The following NNAT variants were observed in gnomAD, a reference collection of about 807,000 sequenced individuals.
The protein encoded by NNAT is neuronatin.
Under a neutral mutation model 12.7 loss-of-function variants are expected in NNAT, and 8 were observed. That is an observed-to-expected ratio of 0.63 (90% CI 0.37 to 1.14). The LOEUF (loss-of-function observed/expected upper bound fraction) is 1.14, where lower values mean the gene tolerates loss of function less well. Ranked by LOEUF, NNAT falls within the 50% of genes most tolerant of loss-of-function variation. NNAT has a pLI of 0.01. For missense variants in NNAT, 94 were observed against 108.3 expected, an observed-to-expected ratio of 0.87 and a Z score of 0.59; for synonymous variants, 52 against 48.5, an observed-to-expected ratio of 1.07 and a Z score of -0.30.
chr20:37,522,870 C>A lies in NNAT; in HGVS notation c.*111C>A. 1.1e-6 allele frequency: 1 copy of A among 951,568 alleles called. No homozygotes were observed. 58.9% of individuals were successfully genotyped at this position (951,568 alleles called of 1,614,324 possible). On this transcript the variant is annotated 3_prime_UTR_variant, in exon 3 of 3. Transcript: ENST00000649451. The stretch of plus-strand genomic sequence containing the variant: ...TGTGGGGTCCCCTGTGTTCCCTCGC[C>A]AGAGGAGCACTTGGCAAGGTCAGTG...
At chr20:37,522,544 C>T in intron 2 of NNAT, 106 bp downstream of exon 2, 3 of 1,377,092 alleles carry the variant, frequency 2.2e-6, no homozygotes, top group Non-Finnish European at 3.0e-6. Context: ...CCCGCGCCCG[C>T]CTCTCCAGCC....
At chr20:37,522,554 C>G in intron 2 of NNAT, 113 bp from the exon 3 acceptor site, 1 of 1,236,686 alleles carries the variant, frequency 8.1e-7, no homozygotes, top group East Asian at 3.1e-5. Flanking sequence ...CCTCTCCAGC[C>G]TACGCTGGAT....
rs1601090510 is a variant in NNAT, at chr20:37,521,313, A to G, written c.-19A>G. ...GGCAAACCCTCTTTCTCGACCACCC[A>G]CCTACCATTCTTGGAACCATGGCGG... is the stretch of plus-strand genomic sequence containing the variant. On this transcript the variant is annotated 5_prime_UTR_variant, in exon 1 of 3. Coordinates refer to ENST00000649451, the MANE Select transcript of NNAT (RefSeq NM_005386.4). This position sits in a 1 kb window ranked among gnomAD's most constrained non-coding sequence, Gnocchi z 4.5. 1 of 1,613,328 alleles carries G rather than the reference A, an allele frequency of 6.2e-7. No homozygotes were observed. The highest frequency in any genetic ancestry group is 1.1e-5 in the South Asian group (1 of 91,062).
In NNAT at chr20:37,522,839, C is replaced by A. The variant is rs2071635256; in HGVS notation, c.*80C>A. The A allele has an allele frequency of 2.2e-6, 3 of 1,342,606 alleles. No individual in the cohort carries two copies. Among genetic ancestry groups the A allele is most frequent in the Non-Finnish European group, 3.0e-6 (3 of 986,544 alleles). The allele number at this position is 1,342,606 out of a possible 1,614,324, so 83.2% of individuals were successfully genotyped here. A position where few individuals can be genotyped will look rare whatever the true frequency, so the allele number is the denominator to read the frequency against. The stretch of plus-strand genomic sequence containing the variant: ...GGCCAGCACGGGAGCCAGTGCCGCG[C>A]AGGAATGTGGGGTCCCCTGTGTTCC... On this transcript the variant is annotated 3_prime_UTR_variant, in exon 3 of 3. Transcript: ENST00000649451.
rs1044466051 is a variant in NNAT at position 37,522,921 on chromosome 20, C to T, written c.*162C>T. On this transcript the variant is annotated 3_prime_UTR_variant, in exon 3 of 3. Transcript: ENST00000649451. ...AGGGGCCAGTAGACCCCCGGAGAAG[C>T]AGTACCGACAATGACGAAGATACCA... 3.3e-6 allele frequency: 2 copies of T among 599,918 alleles called. No individual in the cohort carries two copies. Among genetic ancestry groups the T allele is most frequent in the Non-Finnish European group, 5.8e-6 (2 of 343,304 alleles). 37.2% of individuals were successfully genotyped at this position (599,918 alleles called of 1,614,324 possible). A position where few individuals can be genotyped will look rare whatever the true frequency, so the allele number is the denominator to read the frequency against.
rs2071560149 is a variant in NNAT at position 37,521,317 on chromosome 20, A to G, written c.-15A>G. ...AACCCTCTTTCTCGACCACCCACCTACCATTCTTGGAACCATGGCGGCAGT... is the reference window on the plus strand; with the variant it reads ...AACCCTCTTTCTCGACCACCCACCTGCCATTCTTGGAACCATGGCGGCAGT... On this transcript the variant is annotated 5_prime_UTR_variant, in exon 1 of 3. Transcript: ENST00000649451. The surrounding 1 kb of genome is among the most constrained non-coding windows in gnomAD (Gnocchi z 4.5). 2.5e-6 allele frequency: 4 copies of G among 1,613,426 alleles called. No individual in the cohort carries two copies. Among genetic ancestry groups the G allele is most frequent in the Non-Finnish European group, 3.4e-6 (4 of 1,179,638 alleles).
Position 37,521,327 on chromosome 20 carries a change from G to A in NNAT, c.-5G>A, listed in dbSNP as rs1244924933. ...CTCGACCACCCACCTACCATTCTTG[G>A]AACCATGGCGGCAGTGGCGGCGGCC... On this transcript the variant is annotated 5_prime_UTR_variant, in exon 1 of 3. Transcript: ENST00000649451. The surrounding 1 kb of genome is among the most constrained non-coding windows in gnomAD (Gnocchi z 4.5). 6.2e-7 allele frequency: 1 copy of A among 1,614,012 alleles called. No homozygotes were observed. Among genetic ancestry groups the A allele is most frequent in the Admixed American group, 1.7e-5 (1 of 60,020 alleles).
chr20:37,521,476 G>A lies in NNAT; in HGVS notation c.72+73G>A. On this transcript the variant is annotated intron_variant, in intron 1 of 2. Transcript: ENST00000649451. This position sits in a 1 kb window ranked among gnomAD's most constrained non-coding sequence, Gnocchi z 4.5. ...CCTAGAACCCGCAAGACTGCGTCGC[G>A]ATTGCCGCTTCCCGGACCCGTCCTA... The A allele has an allele frequency of 6.9e-7, 1 of 1,444,788 alleles. No individual in the cohort carries two copies. The allele number at this position is 1,444,788 out of a possible 1,614,324, so 89.5% of individuals were successfully genotyped here.
At position 37,522,669 on chromosome 20, in the gene NNAT, G is replaced by A; in HGVS notation, c.156G>A (p.Val52=). The part of the protein sequence containing the change: ...PGTQPIARSE[V]FRYSLQKLAY... Reference sequence around the variant, plus strand: ...GGGTCCTGGGTTTCTCGTCGCAGGTGTTCAGGTACTCCCTGCAGAAGCTGG... The same window carrying A: ...GGGTCCTGGGTTTCTCGTCGCAGGTATTCAGGTACTCCCTGCAGAAGCTGG... The change falls in exon 3 of 3, where the codon GTG becomes GTA. Residue 52 remains valine (V), a splice_region_variant and synonymous_variant. Coordinates refer to ENST00000649451, the MANE Select transcript of NNAT (RefSeq NM_005386.4). 1.2e-6 allele frequency: 2 copies of A among 1,611,018 alleles called. No individual in the cohort carries two copies. The highest frequency in any genetic ancestry group is 1.1e-5 in the South Asian group (1 of 90,582).
In NNAT at chr20:37,522,779, G is replaced by A. The variant is rs1349275226; in HGVS notation, c.*20G>A. On this transcript the variant is annotated 3_prime_UTR_variant, in exon 3 of 3. Coordinates refer to ENST00000649451, the MANE Select transcript of NNAT (RefSeq NM_005386.4). Reference sequence around the variant, plus strand: ...AACTGAGGCCCCAGCTCCCAGCCCTGGGCGGCCGTATCATCAGGTGCTCCT... The same window carrying A: ...AACTGAGGCCCCAGCTCCCAGCCCTAGGCGGCCGTATCATCAGGTGCTCCT... The A allele has an allele frequency of 1.3e-6, 2 of 1,574,254 alleles. No homozygotes were observed. The highest frequency in any genetic ancestry group is 1.2e-5 in the South Asian group (1 of 86,362).
At chr20:37,522,584 TG>T in intron 2 of NNAT, 82 bp from the exon 3 acceptor site, 1 of 629,022 alleles carries the variant, frequency 1.6e-6, no homozygotes, top group Non-Finnish European at 2.1e-6. Context: ...GGGCAGGGGG[TG>T]GGGCGGGGGT....
At position 37,521,560 on chromosome 20, in the gene NNAT, G is replaced by A. The variant is rs2071575274; in HGVS notation, c.72+157G>A. 2.1e-5 allele frequency: 15 copies of A among 728,488 alleles called. No homozygotes were observed. Among genetic ancestry groups the A allele is most frequent in the Non-Finnish European group, 2.8e-5 (12 of 428,566 alleles). The allele number at this position is 728,488 out of a possible 1,614,324, so 45.1% of individuals were successfully genotyped here. ...CCGCTGCCGGCACCGCGCGCCCCCT[G>A]CCCATTCCCTGCGCCGTCCTCCTCG... On this transcript the variant is annotated intron_variant, in intron 1 of 2. Transcript: ENST00000649451. The surrounding 1 kb of genome is among the most constrained non-coding windows in gnomAD (Gnocchi z 4.5).
chr20:37,521,388 CCG>C lies in NNAT; in HGVS notation c.60_61del (p.Val21AlafsTer30). Reference sequence around the variant, plus strand: ...TGCTCATCATCGGCTGGTACATCTTCCGCGTGCTGCTGCAGGTAAGTCTGACG... The same window carrying C: ...TGCTCATCATCGGCTGGTACATCTTCCGTGCTGCTGCAGGTAAGTCTGACG... ...ELLIIGWYIFRVLLQVFLECC... is the reference protein window; with the variant it reads ...ELLIIGWYIFXVLLQVFLECC... On this transcript the variant is annotated frameshift_variant, in exon 1 of 3. Coordinates refer to ENST00000649451, the MANE Select transcript of NNAT (RefSeq NM_005386.4). LOFTEE classifies it high-confidence loss of function. This position sits in a 1 kb window ranked among gnomAD's most constrained non-coding sequence, Gnocchi z 4.5. The C allele has an allele frequency of 6.2e-7, 1 of 1,614,134 alleles. No individual in the cohort carries two copies. The highest frequency in any genetic ancestry group is 8.5e-7 in the Non-Finnish European group (1 of 1,179,982).
rs2071560086 is a variant in NNAT, at chr20:37,521,316, T to C, written c.-16T>C. ...AAACCCTCTTTCTCGACCACCCACC[T>C]ACCATTCTTGGAACCATGGCGGCAG... On this transcript the variant is annotated 5_prime_UTR_variant, in exon 1 of 3. Coordinates refer to ENST00000649451, the MANE Select transcript of NNAT (RefSeq NM_005386.4). The surrounding 1 kb of genome is among the most constrained non-coding windows in gnomAD (Gnocchi z 4.5). The C allele has an allele frequency of 3.1e-6, 5 of 1,613,698 alleles. No homozygotes were observed. The East Asian group carries it at 8.9e-5, about 29-fold the overall frequency.
At position 37,523,307 on chromosome 20, in the gene NNAT, A is replaced by G. The variant is rs769199779; in HGVS notation, c.*548A>G. On this transcript the variant is annotated 3_prime_UTR_variant, in exon 3 of 3. Coordinates refer to ENST00000649451, the MANE Select transcript of NNAT (RefSeq NM_005386.4). ...GCTGTCCCTTGCCCAGGGCACTTGC[A>G]TTCCAGCCTCGCTGCATTTGCTCTC... The G allele has an allele frequency of 1.3e-5, 2 of 152,618 alleles. No individual in the cohort carries two copies. The highest frequency in any genetic ancestry group is 2.9e-5 in the Non-Finnish European group (2 of 68,180). The allele number at this position is 152,618 out of a possible 1,614,324, so 9.5% of individuals were successfully genotyped here.
At position 37,521,766 on chromosome 20, in the gene NNAT, C is replaced by G; in HGVS notation, c.72+363C>G. On this transcript the variant is annotated intron_variant, in intron 1 of 2. Coordinates refer to ENST00000649451, the MANE Select transcript of NNAT (RefSeq NM_005386.4). The surrounding 1 kb of genome is among the most constrained non-coding windows in gnomAD (Gnocchi z 4.5). ...TACTGTGTTGAAAGACTTTACAGCT[C>G]GCAGAGTGAAAATTTTCCACCTTAA... 5.2e-6 allele frequency: 1 copy of G among 193,048 alleles called. No individual in the cohort carries two copies. Among genetic ancestry groups the G allele is most frequent in the Non-Finnish European group, 1.0e-5 (1 of 95,464 alleles). The allele number at this position is 193,048 out of a possible 1,614,324, so 12.0% of individuals were successfully genotyped here.
In NNAT at chr20:37,521,942, T is replaced by C. The variant is rs924639621; in HGVS notation, c.73-416T>C. 1.4e-5 allele frequency among the ~76,000 whole-genome samples: 2 copies of C among 140,954 alleles called. No homozygotes were observed. Among genetic ancestry groups the C allele is most frequent in the Non-Finnish European group, 3.1e-5 (2 of 64,960 alleles). 92.5% of individuals were successfully genotyped at this position (140,954 alleles called of 152,430 possible). A position where few individuals can be genotyped will look rare whatever the true frequency, so the allele number is the denominator to read the frequency against. On this transcript the variant is annotated intron_variant, in intron 1 of 2. Transcript: ENST00000649451. This position sits in a 1 kb window ranked among gnomAD's most constrained non-coding sequence, Gnocchi z 4.5. ...ACCCTACAACGAATTAGAGAAAAAG[T>C]AGTTCACAGGAAAACAGAAAAACGC...
At position 37,521,414 on chromosome 20, in the gene NNAT, C is replaced by T. The variant is rs747788872; in HGVS notation, c.72+11C>T. On this transcript the variant is annotated intron_variant, in intron 1 of 2. Coordinates refer to ENST00000649451, the MANE Select transcript of NNAT (RefSeq NM_005386.4). The surrounding 1 kb of genome is among the most constrained non-coding windows in gnomAD (Gnocchi z 4.5). ...CGCGTGCTGCTGCAGGTAAGTCTGA[C>T]GGGGTTTCGGGTGGGAGAGGGTTCC... 14 of 1,613,788 alleles carry T rather than the reference C, an allele frequency of 8.7e-6. No individual in the cohort carries two copies. The highest frequency in any genetic ancestry group is 6.6e-5 in the South Asian group (6 of 91,086).
At position 37,522,762 on chromosome 20, in the gene NNAT, C is replaced by A. The variant is rs1400912430; in HGVS notation, c.*3C>A. 1 of 1,595,078 alleles carries A rather than the reference C, an allele frequency of 6.3e-7. No homozygotes were observed. Among genetic ancestry groups the A allele is most frequent in the Non-Finnish European group, 8.5e-7 (1 of 1,171,528 alleles). The stretch of plus-strand genomic sequence containing the variant: ...GCAGGCAGCGAGCCCCCAACTGAGG[C>A]CCCAGCTCCCAGCCCTGGGCGGCCG... On this transcript the variant is annotated 3_prime_UTR_variant, in exon 3 of 3. Transcript: ENST00000649451.
Sources: gnomAD v4.1 joint callset for allele counts (sites outside exome capture counted in the v4.1 genomes callset) on GRCh38, gnomAD v4.1.1 for gene constraint, Gnocchi (gnomAD v3.1) non-coding constraint, MANE v1.5 for transcripts, NCBI Gene and HGNC (gene_info 2026-07-23, HGNC 2026-07-21) for gene names.